The following B3GAT1 variants were observed in gnomAD, a reference collection of about 807,000 sequenced individuals.
B3GAT1 encodes galactosylgalactosylxylosylprotein 3-beta-glucuronosyltransferase 1.
A neutral mutation model predicts 28.4 loss-of-function variants in B3GAT1; 11 were observed. The observed-to-expected ratio is 0.39, with a 90% CI of 0.24 to 0.64. The LOEUF (loss-of-function observed/expected upper bound fraction) is 0.64. Among genes scored for constraint, B3GAT1 ranks in the 30% least tolerant of loss-of-function variants. B3GAT1 has a pLI of 0.50. For missense variants in B3GAT1, 375 were observed against 491.0 expected (o/e 0.76, Z 2.23); for synonymous variants, 255 against 223.1 (o/e 1.14, Z -1.27).
Position 134,387,959 on chromosome 11 carries a change from G to T in B3GAT1, c.-281-19C>A, listed in dbSNP as rs1245216893. On this transcript the variant is annotated intron_variant, in intron 1 of 5. Coordinates refer to ENST00000312527, the MANE Select transcript of B3GAT1 (RefSeq NM_054025.3). ...TGGACACCTGCAAGAGAGAGCAGAAGCGGATAGCCAGAGACCCAGGTATAG... is the reference window on the plus strand; with the variant it reads ...TGGACACCTGCAAGAGAGAGCAGAATCGGATAGCCAGAGACCCAGGTATAG... 1.8e-6 allele frequency: 2 copies of T among 1,134,900 alleles called. No individual in the cohort carries two copies. The highest frequency in any genetic ancestry group is 2.1e-5 in the Admixed American group (1 of 46,772). The allele number at this position is 1,134,900 out of a possible 1,614,324, so 70.3% of individuals were successfully genotyped here.
chr11:134,383,779 C>G lies in B3GAT1; in HGVS notation c.522G>C (p.Leu174=), dbSNP rs772492539. Residue 174 remains leucine (L), a synonymous_variant, in exon 3 of 6, where the codon CTG becomes CTC. Coordinates refer to ENST00000312527, the MANE Select transcript of B3GAT1 (RefSeq NM_054025.3). ...PRGTMQRNLA[L]RWLRETFPRN... ...GCGGGAAGGTCTCGCGCAGCCAGCG[C>G]AGGGCCAGGTTGCGCTGCATGGTGC... is the stretch of plus-strand genomic sequence containing the variant. 6.3e-7 allele frequency: 1 copy of G among 1,597,488 alleles called. No individual in the cohort carries two copies. Among genetic ancestry groups the G allele is most frequent in the South Asian group, 1.1e-5 (1 of 89,026 alleles).
rs1179381268 is a variant in B3GAT1 at position 134,400,817 on chromosome 11, C to T, written c.-282+10990G>A. Among the ~76,000 whole-genome samples, 12 of 152,156 alleles carry T rather than the reference C, an allele frequency of 7.9e-5. No homozygotes were observed. The East Asian group carries it at 2.3e-3, about 29-fold the overall frequency. ...TCTGTGCAGCAAAAGAAGCTCTTAA[C>T]AGAGTGAACGGACAACCTACAGATC... On this transcript the variant is annotated intron_variant, in intron 1 of 5. Transcript: ENST00000312527.
At chr11:134,408,116 G>T (rs113328990) in intron 1 of B3GAT1, among the ~76,000 whole-genome samples, 22,196 of 151,928 alleles carry the variant, frequency 0.15, 1,754 homozygotes, top group African/African-American at 0.17. Flanking sequence ...GGATAAGGAA[G>T]GGTGGGTCCA....
chr11:134,402,124 C>T (rs1944628414), intron 1 of B3GAT1, among the ~76,000 whole-genome samples: 1 of 152,158 alleles, frequency 6.6e-6, no homozygotes, highest in East Asian at 1.9e-4. Context: ...CCTGCTGTAG[C>T]CTCGGTGCAG....
chr11:134,383,618 G>T, intron 3 of B3GAT1, 62 bp downstream of exon 3: 2 of 1,450,696 alleles, frequency 1.4e-6, no homozygotes, highest in South Asian at 2.9e-5. Context: ...CCCCCTTCTC[G>T]GGAAGCCCCT....
intron 2 of B3GAT1, 94 bp downstream of exon 2, chr11:134,387,454 C>T: frequency 6.6e-7 from 1 of 1,522,080 alleles, no homozygotes; most frequent in Admixed American, 1.8e-5. Flanking sequence ...CTCCTAGCTG[C>T]TAAGTGAGTG....
intron 4 of B3GAT1, 102 bp downstream of exon 4, chr11:134,382,608 A>G: frequency 1.4e-6 from 2 of 1,389,544 alleles, no homozygotes; most frequent in South Asian, 2.8e-5. Context: ...CAGAAAGCCC[A>G]GGCTATTTTG....
intron 3 of B3GAT1, 64 bp from the exon 4 acceptor site, chr11:134,383,070 A>G (rs1944173835): frequency 8.9e-6 from 13 of 1,461,518 alleles, no homozygotes; most frequent in Non-Finnish European, 1.1e-5. Flanking sequence ...GCGCGTGCCC[A>G]AGGGAGGCGA....
chr11:134,406,829 G>T (rs1944741656), intron 1 of B3GAT1, among the ~76,000 whole-genome samples: 2 of 152,162 alleles, frequency 1.3e-5, no homozygotes, highest in African/African-American at 4.8e-5. Flanking sequence ...CCTGAATCCA[G>T]CCAGTAGGAC....
intron 1 of B3GAT1, among the ~76,000 whole-genome samples, chr11:134,403,273 G>A (rs566406124): frequency 1.1e-4 from 16 of 152,188 alleles, no homozygotes; most frequent in African/African-American, 2.2e-4. Context: ...TTTCTTTCTC[G>A]GGGTCCCGGG....
chr11:134,385,952 G>C (rs1393276149), intron 2 of B3GAT1: 1 of 152,234 alleles, frequency 6.6e-6, no homozygotes, highest in Non-Finnish European at 1.5e-5. Flanking sequence ...TCCAGCGCTG[G>C]AGCTCTGCCA....
Position 134,411,457 on chromosome 11 carries a change from C to T in B3GAT1, c.-282+350G>A, listed in dbSNP as rs1036747065. 2.0e-5 allele frequency among the ~76,000 whole-genome samples: 3 copies of T among 152,070 alleles called. No individual in the cohort carries two copies. The highest frequency in any genetic ancestry group is 7.2e-5 in the African/African-American group (3 of 41,410). ...GACGACTGACCCCTGACTCCTCATC[C>T]GGCCACCAGAAACCACCTGCTGAGG... is the stretch of plus-strand genomic sequence containing the variant. On this transcript the variant is annotated intron_variant, in intron 1 of 5. Coordinates refer to ENST00000312527, the MANE Select transcript of B3GAT1 (RefSeq NM_054025.3). The surrounding 1 kb of genome is among the most constrained non-coding windows in gnomAD (Gnocchi z 6.0).
Position 134,387,953 on chromosome 11 carries a change from GC to G in B3GAT1, c.-281-14del. ...GGGGGGTGGACACCTGCAAGAGAGA[GC>G]AGAAGCGGATAGCCAGAGACCCAGG... On this transcript the variant is annotated splice_polypyrimidine_tract_variant and intron_variant, in intron 1 of 5. Coordinates refer to ENST00000312527, the MANE Select transcript of B3GAT1 (RefSeq NM_054025.3). The G allele has an allele frequency of 8.4e-7, 1 of 1,196,750 alleles. No individual in the cohort carries two copies. Among genetic ancestry groups the G allele is most frequent in the Non-Finnish European group, 1.2e-6 (1 of 866,122 alleles). The allele number at this position is 1,196,750 out of a possible 1,614,324, so 74.1% of individuals were successfully genotyped here. A position where few individuals can be genotyped will look rare whatever the true frequency, so the allele number is the denominator to read the frequency against.
At chr11:134,392,227 T>C (rs1944424567) in intron 1 of B3GAT1, 1 of 151,596 alleles carries the variant, frequency 6.6e-6, no homozygotes, top group Non-Finnish European at 1.5e-5. Flanking sequence ...CCAGCACCCG[T>C]GGAACTGAGT....
At chr11:134,404,019 A>ATTTATT (rs1167450945) in intron 1 of B3GAT1, among the ~76,000 whole-genome samples, 15 of 113,594 alleles carry the variant, frequency 1.3e-4, no homozygotes, top group African/African-American at 3.6e-4. Flanking sequence ...ATATATATAT[A>ATTTATT]TATATATATA....
chr11:134,381,889 G>C, intron 5 of B3GAT1, 35 bp downstream of exon 5: 1 of 1,544,854 alleles, frequency 6.5e-7, no homozygotes, highest in Non-Finnish European at 8.9e-7. Flanking sequence ...GTGCCGCCCT[G>C]CCCAGTGTGT....
chr11:134,384,258 C>T (rs888677996), intron 2 of B3GAT1, 70 bp from the exon 3 acceptor site: 8 of 1,469,010 alleles, frequency 5.4e-6, no homozygotes, highest in South Asian at 1.4e-5. Context: ...GAGCGGGACG[C>T]CACCCACCCT....
chr11:134,390,577 G>C (rs954534482), intron 1 of B3GAT1: 2 of 152,264 alleles, frequency 1.3e-5, no homozygotes, highest in African/African-American at 4.8e-5. Context: ...GCCCCCGCTT[G>C]CACTGTTGTT....
chr11:134,383,721 C>T lies in B3GAT1; in HGVS notation c.580G>A (p.Ala194Thr). ...NSSQPGVVYF[A>T]DDDNTYSLEL... is the part of the protein sequence containing the mutation. ...AGGCTGTAGGTGTTGTCGTCGTCGG[C>T]GAAGTAGACCACGCCAGGCTGGCTG... Residue 194 changes from alanine to threonine, a missense_variant, in exon 3 of 6, where the codon GCC (alanine) becomes ACC (threonine). Coordinates refer to ENST00000312527, the MANE Select transcript of B3GAT1 (RefSeq NM_054025.3). 1 of 1,591,502 alleles carries T rather than the reference C, an allele frequency of 6.3e-7. No individual in the cohort carries two copies. The highest frequency in any genetic ancestry group is 2.3e-5 in the East Asian group (1 of 44,134).
Sources: gnomAD v4.1 joint callset for allele counts (sites outside exome capture counted in the v4.1 genomes callset) on GRCh38, gnomAD v4.1.1 for gene constraint, Gnocchi (gnomAD v3.1) non-coding constraint, MANE v1.5 for transcripts, NCBI Gene and HGNC (gene_info 2026-07-23, HGNC 2026-07-21) for gene names.